Variants in PLCB1 observed in about 807,000 individuals in gnomAD.
PLCB1 encodes phospholipase C beta 1.
Under a neutral mutation model 161.8 loss-of-function variants are expected in PLCB1, and 46 were observed. The observed-to-expected ratio is 0.28, with a 90% CI of 0.22 to 0.36. PLCB1 has a LOEUF of 0.36. Ranked by LOEUF, PLCB1 falls within the 10% of genes least tolerant of loss-of-function variation. The pLI, the probability that PLCB1 is intolerant of heterozygous loss-of-function variation, is 1.00. For synonymous variants in PLCB1, 517 were observed against 503.7 expected (o/e 1.03, Z -0.35); for missense variants, 1,016 against 1,472.5 (o/e 0.69, Z 5.07).
rs186455480 is a variant in PLCB1 at position 8,843,747 on chromosome 20, T to C, written c.3424-37875T>C. ...CATATAGAGAGTCCATGTGTTTGAA[T>C]AGACTTTATTATTTTCAAAACTCCT... On this transcript the variant is annotated intron_variant, in intron 31 of 31. Coordinates refer to ENST00000338037, the MANE Select transcript of PLCB1 (RefSeq NM_015192.4). Among the ~76,000 whole-genome samples, 525 of 152,324 alleles carry C rather than the reference T, an allele frequency of 3.4e-3. 3 individuals carry two copies. The highest frequency in any genetic ancestry group is 0.012 in the African/African-American group (484 of 41,574).
intron 2 of PLCB1, among the ~76,000 whole-genome samples, chr20:8,164,881 G>C (rs1263002914): frequency 2.0e-5 from 3 of 152,132 alleles, no homozygotes; most frequent in African/African-American, 2.4e-5. Flanking sequence ...CCCTTCATAG[G>C]CTATGCCAGT....
At chr20:8,794,215 C>T (rs1160418748) in intron 31 of PLCB1, among the ~76,000 whole-genome samples, 5 of 151,940 alleles carry the variant, frequency 3.3e-5, no homozygotes, top group Admixed American at 2.6e-4. Flanking sequence ...ACATCCTCCT[C>T]GGCTGACAGG....
chr20:8,699,385 G>A (rs1175779397), intron 11 of PLCB1, among the ~76,000 whole-genome samples: 1 of 152,236 alleles, frequency 6.6e-6, no homozygotes, highest in African/African-American at 2.4e-5. Context: ...AGCTTTGGAT[G>A]AAGAAACTGT....
At chr20:8,546,152 T>TA (rs1287860098) in intron 3 of PLCB1, among the ~76,000 whole-genome samples, 1 of 148,876 alleles carries the variant, frequency 6.7e-6, no homozygotes, top group Non-Finnish European at 1.5e-5. Flanking sequence ...CCGTCTCTAA[T>TA]AAAAATACAA....
intron 2 of PLCB1, among the ~76,000 whole-genome samples, chr20:8,314,659 T>C (rs559504732): frequency 2.6e-5 from 4 of 152,340 alleles, no homozygotes; most frequent in East Asian, 1.9e-4. Flanking sequence ...TGGCCCATAG[T>C]AAGCACTGAA....
At chr20:8,289,455 A>G (rs6140589) in intron 2 of PLCB1, among the ~76,000 whole-genome samples, 4,405 of 152,220 alleles carry the variant, frequency 0.029, 162 homozygotes, top group African/African-American at 0.089. Context: ...TTGTTCATTA[A>G]TCTTCATAAC....
At chr20:8,878,246 A>G (rs1170783694) in intron 31 of PLCB1, among the ~76,000 whole-genome samples, 1 of 152,198 alleles carries the variant, frequency 6.6e-6, no homozygotes, top group Non-Finnish European at 1.5e-5. Context: ...TTCTTAAAAC[A>G]GGCTCACTTG....
intron 3 of PLCB1, among the ~76,000 whole-genome samples, chr20:8,477,933 T>C (rs1328476925): frequency 6.6e-6 from 1 of 152,218 alleles, no homozygotes; most frequent in Non-Finnish European, 1.5e-5. Flanking sequence ...ACATAGACTG[T>C]TCCATCTATC....
intron 2 of PLCB1, among the ~76,000 whole-genome samples, chr20:8,254,971 C>T (rs1353182136): frequency 6.6e-6 from 1 of 152,066 alleles, no homozygotes; most frequent in African/African-American, 2.4e-5. Context: ...GCACCAGGCA[C>T]TTGTTAATCG....
intron 3 of PLCB1, among the ~76,000 whole-genome samples, chr20:8,566,583 T>C (rs1986341936): frequency 1.3e-5 from 2 of 152,180 alleles, no homozygotes; most frequent in African/African-American, 4.8e-5. Context: ...CCATGGAATA[T>C]GTTCCAGCTT....
At chr20:8,498,775 T>C (rs771425315) in intron 3 of PLCB1, among the ~76,000 whole-genome samples, 4 of 152,224 alleles carry the variant, frequency 2.6e-5, no homozygotes, top group Non-Finnish European at 5.9e-5. Context: ...GCTAGCTGTT[T>C]CTGCTGATGT....
At chr20:8,267,052 GA>G (rs796097080) in intron 2 of PLCB1, among the ~76,000 whole-genome samples, 21 of 148,276 alleles carry the variant, frequency 1.4e-4, no homozygotes, top group African/African-American at 4.5e-4. Flanking sequence ...AAAAAAAAGG[GA>G]AAAAAAAAGA....
Position 8,822,444 on chromosome 20 carries a change from T to A in PLCB1, c.3423+32183T>A, listed in dbSNP as rs115027046. On this transcript the variant is annotated intron_variant, in intron 31 of 31. Transcript: ENST00000338037. ...GGTGCCTAAGAAGATCAGAGTAAAA[T>A]CAGGAACCAAATGATCTGGAAGCTA... Among the ~76,000 whole-genome samples, 651 of 152,188 alleles carry A rather than the reference T, an allele frequency of 4.3e-3. 4 individuals are homozygous for A. Among genetic ancestry groups the A allele is most frequent in the African/African-American group, 0.015 (622 of 41,522 alleles).
intron 4 of PLCB1, among the ~76,000 whole-genome samples, chr20:8,633,491 C>T (rs1196194494): frequency 6.6e-6 from 1 of 151,946 alleles, no homozygotes; most frequent in Non-Finnish European, 1.5e-5. Flanking sequence ...AGTCATCATA[C>T]TTTTTAATGA....
chr20:8,494,670 CTTCT>C (rs140291409), intron 3 of PLCB1, among the ~76,000 whole-genome samples: 4,340 of 152,260 alleles, frequency 0.029, 112 homozygotes, highest in East Asian at 0.15. Context: ...TCAATTTCTA[CTTCT>C]TTCTTCTTGC....
intron 27 of PLCB1, among the ~76,000 whole-genome samples, chr20:8,785,014 G>A (rs191123715): frequency 4.3e-4 from 66 of 152,228 alleles, no homozygotes; most frequent in African/African-American, 1.4e-3. Context: ...AGAATGGAAG[G>A]TTGAAATGGT....
intron 4 of PLCB1, 77 bp downstream of exon 4, chr20:8,628,508 A>C: frequency 6.8e-7 from 1 of 1,475,430 alleles, no homozygotes; most frequent in East Asian, 2.3e-5. Flanking sequence ...CCTGCAAAAG[A>C]CTGAATTTTT....
chr20:8,412,515 T>C (rs1395971866), intron 3 of PLCB1, among the ~76,000 whole-genome samples: 1 of 152,244 alleles, frequency 6.6e-6, no homozygotes, highest in African/African-American at 2.4e-5. Context: ...GATCAAATTA[T>C]GCAGTAAGAG....
At chr20:8,231,365 AG>A (rs1190783035) in intron 2 of PLCB1, among the ~76,000 whole-genome samples, 1 of 152,160 alleles carries the variant, frequency 6.6e-6, no homozygotes, top group Non-Finnish European at 1.5e-5. Flanking sequence ...TAACCTCCCC[AG>A]TTGTGACCAT....
Sources: gnomAD v4.1 joint callset for allele counts (sites outside exome capture counted in the v4.1 genomes callset) on GRCh38, gnomAD v4.1.1 for gene constraint, MANE v1.5 for transcripts, NCBI Gene and HGNC (gene_info 2026-07-23, HGNC 2026-07-21) for gene names.